GALNTL6: variants seen among roughly 807,000 people sequenced by gnomAD.
The protein encoded by GALNTL6 is polypeptide N-acetylgalactosaminyltransferase-like 6.
A neutral mutation model predicts 73.7 loss-of-function variants in GALNTL6; 46 were observed. The ratio of observed to expected loss-of-function variants is 0.62; its 90% confidence interval spans 0.49 to 0.80. The LOEUF is 0.80. GALNTL6 is among the 30% of genes least tolerant of loss of function. The probability of loss-of-function intolerance (pLI) is 0.00; values close to 1 mark genes in which losing one functional copy is unlikely to be tolerated. For missense variants in GALNTL6, 604 were observed against 755.0 expected (o/e 0.80, Z 2.34); for synonymous variants, 259 against 263.7 (o/e 0.98, Z 0.17).
chr4:172,438,012 C>G (rs10084831), intron 5 of GALNTL6, among the ~76,000 whole-genome samples: 4,152 of 152,138 alleles, frequency 0.027, 166 homozygotes, highest in African/African-American at 0.093. Flanking sequence ...ATCAAAAGCC[C>G]TCATATTTGC....
chr4:172,012,755 T>C (rs1412556992), intron 2 of GALNTL6, among the ~76,000 whole-genome samples: 1 of 6,814 alleles, frequency 1.5e-4, no homozygotes, highest in Non-Finnish European at 8.1e-3. Context: ...TATTGTTTTT[T>C]GTTTGTTTCT....
chr4:172,593,950 A>G (rs1006666179), intron 5 of GALNTL6, among the ~76,000 whole-genome samples: 4 of 152,162 alleles, frequency 2.6e-5, no homozygotes, highest in African/African-American at 7.2e-5. Flanking sequence ...AAAAATTACT[A>G]TTCCAGCTTA....
chr4:172,609,596 A>AAGTTT (rs1235396810), intron 5 of GALNTL6, among the ~76,000 whole-genome samples: 7 of 118,328 alleles, frequency 5.9e-5, no homozygotes, highest in Admixed American at 2.5e-4. Flanking sequence ...TATTGGCCTG[A>AAGTTT]AGTTTTCTCT....
Position 172,931,232 on chromosome 4 carries a change from T to C in GALNTL6, c.1113T>C (p.Val371=), listed in dbSNP as rs1379095355. Residue 371 remains valine (V), a synonymous_variant, in exon 9 of 13, where the codon GTT becomes GTC. Coordinates refer to ENST00000506823, the MANE Select transcript of GALNTL6 (RefSeq NM_001034845.3). ...SRVGHIYRKY[V]PYKVPSGTSL... is the part of the protein sequence containing the mutation. ...TTGGTCATATCTACAGGAAGTACGT[T>C]CCATACAAAGTTCCATCTGGGACAA... 1 of 1,611,492 alleles carries C rather than the reference T, an allele frequency of 6.2e-7. No individual in the cohort carries two copies. The highest frequency in any genetic ancestry group is 1.7e-5 in the Admixed American group (1 of 60,000).
chr4:172,241,398 T>C (rs1455405991), intron 3 of GALNTL6, among the ~76,000 whole-genome samples: 1 of 152,206 alleles, frequency 6.6e-6, no homozygotes, highest in Non-Finnish European at 1.5e-5. Context: ...AAAAAAAATG[T>C]AAAAGGAGCA....
chr4:171,895,086 G>A (rs1456892455), intron 2 of GALNTL6, among the ~76,000 whole-genome samples: 3 of 152,204 alleles, frequency 2.0e-5, no homozygotes, highest in Admixed American at 6.5e-5. Context: ...GTTTTAAGTA[G>A]TGATGAATTT....
intron 2 of GALNTL6, among the ~76,000 whole-genome samples, chr4:171,923,921 T>C (rs1737888040): frequency 6.6e-6 from 1 of 151,932 alleles, no homozygotes; most frequent in African/African-American, 2.4e-5. Context: ...TGAATGCTTA[T>C]CTAGTTTATC....
intron 5 of GALNTL6, among the ~76,000 whole-genome samples, chr4:172,636,869 G>A (rs1739714816): frequency 6.6e-6 from 1 of 151,950 alleles, no homozygotes; most frequent in African/African-American, 2.4e-5. Flanking sequence ...AGAACATAAG[G>A]CTTTTTTCTT....
intron 5 of GALNTL6, among the ~76,000 whole-genome samples, chr4:172,602,232 A>C (rs1376830801): frequency 6.6e-6 from 1 of 152,174 alleles, no homozygotes. Context: ...GGATGGGTGA[A>C]AATGACACCA....
At chr4:172,893,645 C>T (rs139165788) in intron 8 of GALNTL6, among the ~76,000 whole-genome samples, 4 of 152,278 alleles carry the variant, frequency 2.6e-5, no homozygotes, top group African/African-American at 7.2e-5. Flanking sequence ...CCCCGTCCCA[C>T]GGAAGAAATA....
At chr4:172,545,049 G>C (rs1399495518) in intron 5 of GALNTL6, among the ~76,000 whole-genome samples, 1 of 152,202 alleles carries the variant, frequency 6.6e-6, no homozygotes, top group Admixed American at 6.5e-5. Flanking sequence ...CTACTGTTAA[G>C]ATATATGTGA....
rs180734577 is a variant in GALNTL6 at position 172,335,570 on chromosome 4, G to A, written c.387-12953G>A. 8.1e-4 allele frequency among the ~76,000 whole-genome samples: 123 copies of A among 152,214 alleles called. 2 individuals are homozygous for A. The South Asian group carries it at 0.016, about 19-fold the overall frequency. ...GTAGAATTTGGCTGTGAATTCTTCT[G>A]GTCCAGGGCTTTTTTGGTTGACAGG... On this transcript the variant is annotated intron_variant, in intron 4 of 12. Transcript: ENST00000506823.
chr4:172,138,326 G>A (rs1434527685), intron 2 of GALNTL6, among the ~76,000 whole-genome samples: 1 of 149,380 alleles, frequency 6.7e-6, no homozygotes, highest in Non-Finnish European at 1.5e-5. Flanking sequence ...GGTGTTACAT[G>A]TTATTATATT....
In GALNTL6 at chr4:172,504,165, A is replaced by AC. The variant is rs1292210787; in HGVS notation, c.553+155476_553+155477insC. Among the ~76,000 whole-genome samples, 2 of 40,950 alleles carry AC rather than the reference A, an allele frequency of 4.9e-5. 1 individual carries two copies. Among genetic ancestry groups the AC allele is most frequent in the African/African-American group, 1.3e-4 (2 of 15,724 alleles). 26.9% of individuals were successfully genotyped at this position (40,950 alleles called of 152,430 possible). On this transcript the variant is annotated intron_variant, in intron 5 of 12. Transcript: ENST00000506823. ...ACAGAGCGAGACTCTGTCTCAAAAAAAAAAAAAAAAAAAACTCACACCTTG... is the reference window on the plus strand; with the variant it reads ...ACAGAGCGAGACTCTGTCTCAAAAAACAAAAAAAAAAAAAACTCACACCTTG...
At chr4:172,673,489 A>G (rs527693022) in intron 5 of GALNTL6, among the ~76,000 whole-genome samples, 1 of 152,234 alleles carries the variant, frequency 6.6e-6, no homozygotes, top group South Asian at 2.1e-4. Flanking sequence ...TATCATGTCC[A>G]TTTGTTCCAG....
At chr4:172,957,453 G>T (rs1749804215) in intron 10 of GALNTL6, among the ~76,000 whole-genome samples, 1 of 152,154 alleles carries the variant, frequency 6.6e-6, no homozygotes, top group African/African-American at 2.4e-5. Context: ...CAGTAGGTGG[G>T]AGTGGTCAGA....
chr4:173,032,307 C>T (rs960260412), intron 12 of GALNTL6, among the ~76,000 whole-genome samples: 1 of 152,072 alleles, frequency 6.6e-6, no homozygotes, highest in Non-Finnish European at 1.5e-5. Context: ...AAGAATTAGC[C>T]GGGCGTGGTG....
intron 2 of GALNTL6, among the ~76,000 whole-genome samples, chr4:171,939,658 C>A (rs916266794): frequency 6.6e-6 from 1 of 151,716 alleles, no homozygotes; most frequent in Admixed American, 6.6e-5. Context: ...GACTATAGAA[C>A]AATACGTTTT....
chr4:172,426,237 G>A (rs1308386807), intron 5 of GALNTL6, among the ~76,000 whole-genome samples: 1 of 152,046 alleles, frequency 6.6e-6, no homozygotes, highest in East Asian at 1.9e-4. Context: ...TACTAGAAAT[G>A]TGATGAAGCT....
Sources: gnomAD v4.1 joint callset for allele counts (sites outside exome capture counted in the v4.1 genomes callset) on GRCh38, gnomAD v4.1.1 for gene constraint, MANE v1.5 for transcripts, NCBI Gene and HGNC (gene_info 2026-07-23, HGNC 2026-07-21) for gene names.